DMTF1: variants seen among roughly 807,000 people sequenced by gnomAD.
The protein encoded by DMTF1 is cyclin-D-binding Myb-like transcription factor 1.
Under a neutral mutation model 91.1 loss-of-function variants are expected in DMTF1, and 39 were observed. The ratio of observed to expected loss-of-function variants is 0.43; its 90% CI spans 0.33 to 0.56. DMTF1 has a LOEUF of 0.56. Ranked by LOEUF, DMTF1 falls within the 20% of genes least tolerant of loss-of-function variation. DMTF1 has a pLI of 0.05. For synonymous variants in DMTF1, 338 were observed against 309.5 expected (o/e 1.09, Z -0.97); for missense variants, 750 against 914.5 (o/e 0.82, Z 2.32).
At chr7:87,164,408 G>A (rs1252951158) in intron 2 of DMTF1, 1 of 152,156 alleles carries the variant, frequency 6.6e-6, no homozygotes, top group Non-Finnish European at 1.5e-5. Context: ...ATTACAATTT[G>A]GTCAGTGATG....
intron 4 of DMTF1, 65 bp from the exon 5 acceptor site, chr7:87,170,922 TCCCATGGA>T: frequency 5.2e-6 from 5 of 969,722 alleles, no homozygotes; most frequent in African/African-American, 3.3e-5. Flanking sequence ...ATGTTTTTTT[TCCCATGGA>T]TATTTTTAGA....
Position 87,185,862 on chromosome 7 carries a change from C to T in DMTF1, c.1083C>T (p.Asp361=), listed in dbSNP as rs754936436. 6.2e-7 allele frequency: 1 copy of T among 1,613,870 alleles called. No individual in the cohort carries two copies. The highest frequency in any genetic ancestry group is 8.5e-7 in the Non-Finnish European group (1 of 1,179,834). Residue 361 remains aspartate, a synonymous_variant, in exon 12 of 18, where the codon GAC becomes GAT. Coordinates refer to ENST00000331242, the MANE Select transcript of DMTF1 (RefSeq NM_001142327.2). ...AACTTGATGTAGCTGATGAAAATGA[C>T]ATTAACTGGGATCTGTTAGCTGAGG... ...IAELDVADEN[D]INWDLLAEGW... is the part of the protein sequence containing the mutation.
At chr7:87,161,016 A>T (rs1453761166) in intron 1 of DMTF1, among the ~76,000 whole-genome samples, 4 of 152,108 alleles carry the variant, frequency 2.6e-5, no homozygotes, top group African/African-American at 7.2e-5. Flanking sequence ...TGACATCTTC[A>T]TTTAGATACC....
intron 9 of DMTF1, 54 bp downstream of exon 9, chr7:87,181,395 A>G (rs1483674711): frequency 7.3e-5 from 65 of 889,702 alleles, no homozygotes; most frequent in Non-Finnish European, 7.0e-6. Flanking sequence ...TTACGTCCTT[A>G]AAAGTTTTAC....
chr7:87,155,865 A>G (rs1011741321), intron 1 of DMTF1, among the ~76,000 whole-genome samples: 2 of 151,780 alleles, frequency 1.3e-5, no homozygotes, highest in Non-Finnish European at 2.9e-5. Flanking sequence ...ATCATTTCAT[A>G]TATTTAAATG....
intron 1 of DMTF1, among the ~76,000 whole-genome samples, chr7:87,158,265 A>G (rs1261668602): frequency 6.6e-6 from 1 of 152,110 alleles, no homozygotes; most frequent in African/African-American, 2.4e-5. Flanking sequence ...AAGATGCCAC[A>G]TGTTTAAAAA....
chr7:87,195,238 C>A lies in DMTF1; in HGVS notation c.*98C>A. On this transcript the variant is annotated 3_prime_UTR_variant, in exon 18 of 18. Coordinates refer to ENST00000331242, the MANE Select transcript of DMTF1 (RefSeq NM_001142327.2). ...AGCAACCCCCAAGAGGCTTAATTTA[C>A]CAATTTAAATAGCCACAGTCCTTAA... 1.2e-6 allele frequency: 1 copy of A among 813,520 alleles called. No homozygotes were observed. The highest frequency in any genetic ancestry group is 2.0e-6 in the Non-Finnish European group (1 of 505,540). 50.4% of individuals were successfully genotyped at this position (813,520 alleles called of 1,614,324 possible).
chr7:87,165,008 C>T lies in DMTF1; in HGVS notation c.67C>T (p.Gln23Ter). ...VETVNSVTLT[Q>*]DTEGNLILHC... Reference sequence around the variant, plus strand: ...AACTGTGAACTCTGTGACTTTGACTCAGGACACAGAAGGGAATCTCATTCT... The same window carrying T: ...AACTGTGAACTCTGTGACTTTGACTTAGGACACAGAAGGGAATCTCATTCT... Residue 23 changes from glutamine to a stop codon, truncating the protein, a stop_gained, in exon 3 of 18, where the codon CAG becomes TAG. Coordinates refer to ENST00000331242, the MANE Select transcript of DMTF1 (RefSeq NM_001142327.2). LOFTEE classifies it high-confidence loss of function. The T allele has an allele frequency of 6.2e-7, 1 of 1,610,760 alleles. No individual in the cohort carries two copies. The highest frequency in any genetic ancestry group is 8.5e-7 in the Non-Finnish European group (1 of 1,178,416).
At chr7:87,171,250 T>C (rs139522170) in intron 5 of DMTF1, among the ~76,000 whole-genome samples, 161 bp downstream of exon 5, 24 of 152,266 alleles carry the variant, frequency 1.6e-4, no homozygotes, top group African/African-American at 5.3e-4. Context: ...ACAAAGTTTT[T>C]TTGTTTTGAT....
At position 87,186,024 on chromosome 7, in the gene DMTF1, A is replaced by G. The variant is rs201825487; in HGVS notation, c.1201+44A>G. On this transcript the variant is annotated intron_variant, in intron 12 of 17. Transcript: ENST00000331242. Reference sequence around the variant, plus strand: ...TTTAAGCTCCTCCCCTTTTCTTACCATATTTACTCCTTAGGAGTGAGAGGT... The same window carrying G: ...TTTAAGCTCCTCCCCTTTTCTTACCGTATTTACTCCTTAGGAGTGAGAGGT... 7.0e-5 allele frequency: 113 copies of G among 1,606,996 alleles called. No individual in the cohort carries two copies. The East Asian group carries it at 8.3e-4, about 12-fold the overall frequency.
intron 1 of DMTF1, among the ~76,000 whole-genome samples, chr7:87,156,335 A>G (rs1790711514): frequency 6.6e-6 from 1 of 152,188 alleles, no homozygotes; most frequent in African/African-American, 2.4e-5. Flanking sequence ...ATAGTTGGTA[A>G]TTGAAATCAA....
chr7:87,173,488 TTTTTG>T (rs201859268), intron 5 of DMTF1, 42 bp from the exon 6 acceptor site: 309 of 1,280,604 alleles, frequency 2.4e-4, no homozygotes, highest in Non-Finnish European at 2.9e-4. Flanking sequence ...AGCTGCCATT[TTTTTG>T]TTTTGTTTTG....
chr7:87,156,741 A>G (rs1790833657), intron 1 of DMTF1, among the ~76,000 whole-genome samples: 1 of 151,320 alleles, frequency 6.6e-6, no homozygotes, highest in Admixed American at 6.6e-5. Context: ...GCAGACTTTC[A>G]TTATTTCAAA....
intron 9 of DMTF1, chr7:87,181,892 G>C (rs1304016902): frequency 5.1e-6 from 3 of 584,858 alleles, no homozygotes; most frequent in Non-Finnish European, 8.2e-6. Context: ...CTAAAGAAGA[G>C]TTTGTTGGGT....
chr7:87,171,663 C>A (rs541090673), intron 5 of DMTF1, among the ~76,000 whole-genome samples: 12 of 152,042 alleles, frequency 7.9e-5, no homozygotes, highest in Non-Finnish European at 1.2e-4. Flanking sequence ...GGCATGAAAT[C>A]CTGCAACCAA....
Position 87,185,235 on chromosome 7 carries a change from T to G in DMTF1, c.1050-594T>G, listed in dbSNP as rs183677627. Among the ~76,000 whole-genome samples, 6 of 152,324 alleles carry G rather than the reference T, an allele frequency of 3.9e-5. No homozygotes were observed. In the East Asian group the frequency reaches 1.2e-3, roughly 29 times the overall value. ...GAAATTATTTAAGACCCTGAAGTAA[T>G]AGAGACTGTCACCATGGCTACTCCC... is the stretch of plus-strand genomic sequence containing the variant. On this transcript the variant is annotated intron_variant, in intron 11 of 17. Coordinates refer to ENST00000331242, the MANE Select transcript of DMTF1 (RefSeq NM_001142327.2).
chr7:87,171,181 G>A, intron 5 of DMTF1, 92 bp downstream of exon 5: 4 of 840,058 alleles, frequency 4.8e-6, no homozygotes, highest in Non-Finnish European at 5.6e-6. Flanking sequence ...CTCCCAAGTA[G>A]CGAGGACTAC....
chr7:87,182,279 A>T lies in DMTF1; in HGVS notation c.762A>T (p.Gly254=). The change falls in exon 10 of 18, where the codon GGA becomes GGT. Residue 254 remains glycine (G), a synonymous_variant. Coordinates refer to ENST00000331242, the MANE Select transcript of DMTF1 (RefSeq NM_001142327.2). ...NDWATIGAAL[G]RSASSVKDRC... The stretch of plus-strand genomic sequence containing the variant: ...GGGCAACAATAGGGGCGGCGCTAGG[A>T]AGAAGTGCATCTTCTGTCAAAGATC... The T allele has an allele frequency of 6.2e-7, 1 of 1,614,126 alleles. No individual in the cohort carries two copies. Among genetic ancestry groups the T allele is most frequent in the Non-Finnish European group, 8.5e-7 (1 of 1,179,980 alleles).
chr7:87,160,620 A>G (rs145378553), intron 1 of DMTF1, among the ~76,000 whole-genome samples: 1 of 152,086 alleles, frequency 6.6e-6, no homozygotes, highest in African/African-American at 2.4e-5. Context: ...TACATACTTC[A>G]GTAAGGCTTC....
Sources: gnomAD v4.1 joint callset for allele counts (sites outside exome capture counted in the v4.1 genomes callset) on GRCh38, gnomAD v4.1.1 for gene constraint, MANE v1.5 for transcripts, NCBI Gene and HGNC (gene_info 2026-07-23, HGNC 2026-07-21) for gene names.